PDE7B: variants seen among roughly 807,000 people sequenced by gnomAD.
The protein encoded by PDE7B is phosphodiesterase 7B.
A neutral mutation model predicts 56.2 loss-of-function variants in PDE7B; 29 were observed. The ratio of observed to expected loss-of-function variants is 0.52; its 90% CI spans 0.38 to 0.70. PDE7B has a LOEUF of 0.70. Among genes scored for constraint, PDE7B ranks in the 30% least tolerant of loss-of-function variants. The pLI, the probability that PDE7B is intolerant of heterozygous loss-of-function variation, is 0.00. For synonymous variants in PDE7B, 197 were observed against 196.9 expected (o/e 1.00, Z 0.00); for missense variants, 490 against 565.0 (o/e 0.87, Z 1.35).
chr6:136,108,862 A>C (rs1292260909), intron 3 of PDE7B, 48 bp downstream of exon 3: 2 of 1,192,322 alleles, frequency 1.7e-6, no homozygotes, highest in African/African-American at 1.5e-5. Context: ...TTCTTCAAAA[A>C]GAAAAAAAAA....
chr6:135,979,950 C>T (rs1366916870), intron 2 of PDE7B, among the ~76,000 whole-genome samples: 1 of 152,136 alleles, frequency 6.6e-6, no homozygotes, highest in African/African-American at 2.4e-5. Context: ...CTTTAAAGTT[C>T]ATATGGAACC....
chr6:135,947,133 G>A (rs7762438), intron 1 of PDE7B, among the ~76,000 whole-genome samples: 2,898 of 152,130 alleles, frequency 0.019, 92 homozygotes, highest in African/African-American at 0.064. Context: ...ATAATTAGCC[G>A]CAGATTATTG....
At chr6:136,146,254 C>T (rs1583907254) in intron 3 of PDE7B, among the ~76,000 whole-genome samples, 1 of 152,204 alleles carries the variant, frequency 6.6e-6, no homozygotes, top group Non-Finnish European at 1.5e-5. Context: ...ACTGACTCTA[C>T]ATTCAAAATT....
intron 2 of PDE7B, among the ~76,000 whole-genome samples, chr6:136,063,997 A>G (rs955005438): frequency 6.6e-6 from 1 of 152,100 alleles, no homozygotes; most frequent in Non-Finnish European, 1.5e-5. Flanking sequence ...TTTTTACTAC[A>G]TAATTAATAA....
At chr6:136,097,677 A>G (rs1777490351) in intron 2 of PDE7B, among the ~76,000 whole-genome samples, 1 of 152,176 alleles carries the variant, frequency 6.6e-6, no homozygotes, top group Non-Finnish European at 1.5e-5. Context: ...CTCTTAAGTC[A>G]TCCTAAGTCT....
intron 1 of PDE7B, among the ~76,000 whole-genome samples, chr6:135,894,528 G>A (rs1775863381): frequency 6.6e-6 from 1 of 152,130 alleles, no homozygotes. Context: ...GGAAACAAGA[G>A]CGTTCTGTTC....
At chr6:136,154,826 A>G (rs1778579270) in intron 7 of PDE7B, among the ~76,000 whole-genome samples, 2 of 152,230 alleles carry the variant, frequency 1.3e-5, no homozygotes, top group Non-Finnish European at 1.5e-5. Flanking sequence ...TTTCTGGAAA[A>G]TTATATTCTA....
chr6:136,179,918 G>C (rs1199789037), intron 10 of PDE7B, among the ~76,000 whole-genome samples: 2 of 152,186 alleles, frequency 1.3e-5, no homozygotes, highest in East Asian at 3.8e-4. Flanking sequence ...GAAGCCATTT[G>C]TGACATGACA....
At chr6:136,021,903 T>G (rs1260423371) in intron 2 of PDE7B, among the ~76,000 whole-genome samples, 1 of 152,198 alleles carries the variant, frequency 6.6e-6, no homozygotes, top group African/African-American at 2.4e-5. Flanking sequence ...ACATCCAAGA[T>G]CATTCTCTAA....
intron 2 of PDE7B, among the ~76,000 whole-genome samples, chr6:135,976,437 T>G (rs1775189202): frequency 6.6e-6 from 1 of 152,020 alleles, no homozygotes; most frequent in Non-Finnish European, 1.5e-5. Flanking sequence ...CACCTCTACC[T>G]GGGGAAGGGC....
chr6:136,039,009 T>C (rs1196410257), intron 2 of PDE7B, among the ~76,000 whole-genome samples: 8 of 152,232 alleles, frequency 5.3e-5, no homozygotes, highest in African/African-American at 1.2e-4. Context: ...AGCACTGAGT[T>C]TGGCATGCAA....
intron 2 of PDE7B, among the ~76,000 whole-genome samples, chr6:135,999,897 C>T (rs1775635144): frequency 6.6e-6 from 1 of 152,134 alleles, no homozygotes; most frequent in Non-Finnish European, 1.5e-5. Context: ...ATAAGTGTTC[C>T]CTTTTCTCTG....
At chr6:135,960,415 T>A (rs1774879632) in intron 2 of PDE7B, among the ~76,000 whole-genome samples, 1 of 152,212 alleles carries the variant, frequency 6.6e-6, no homozygotes, top group Non-Finnish European at 1.5e-5. Context: ...AATTTTCAAT[T>A]ACTGTATTTA....
chr6:135,910,997 G>A (rs1027807821), intron 1 of PDE7B, among the ~76,000 whole-genome samples: 1 of 152,128 alleles, frequency 6.6e-6, no homozygotes, highest in African/African-American at 2.4e-5. Context: ...GATTGGTGGG[G>A]CAGTAATTAT....
intron 8 of PDE7B, among the ~76,000 whole-genome samples, chr6:136,168,867 C>A (rs756246757): frequency 3.9e-5 from 6 of 152,114 alleles, no homozygotes; most frequent in Non-Finnish European, 8.8e-5. Flanking sequence ...CTAATTAGAA[C>A]AATCAACCTT....
At chr6:135,932,116 A>T (rs1271399142) in intron 1 of PDE7B, among the ~76,000 whole-genome samples, 1 of 152,154 alleles carries the variant, frequency 6.6e-6, no homozygotes, top group Non-Finnish European at 1.5e-5. Flanking sequence ...GGCTTAAAAA[A>T]TTTATAGGAA....
At chr6:135,912,739 A>G (rs1313700925) in intron 1 of PDE7B, among the ~76,000 whole-genome samples, 1 of 152,222 alleles carries the variant, frequency 6.6e-6, no homozygotes, top group Non-Finnish European at 1.5e-5. Context: ...TAGTAACAAT[A>G]ATTAATATCT....
At chr6:136,191,150 C>A (rs1203982445) in intron 12 of PDE7B, among the ~76,000 whole-genome samples, 2 of 150,382 alleles carry the variant, frequency 1.3e-5, no homozygotes, top group Non-Finnish European at 2.9e-5. Context: ...ATTGTCATAA[C>A]AACCCTACGA....
intron 2 of PDE7B, among the ~76,000 whole-genome samples, chr6:136,029,535 A>T (rs1189622194): frequency 6.6e-6 from 1 of 152,236 alleles, no homozygotes; most frequent in Non-Finnish European, 1.5e-5. Flanking sequence ...TTATCAGCAG[A>T]CCACAAAATA....
Sources: allele counts gnomAD v4.1 joint callset (sites outside exome capture counted in the v4.1 genomes callset), GRCh38; gene constraint gnomAD v4.1.1; transcripts MANE v1.5; gene names NCBI Gene and HGNC (gene_info 2026-07-23, HGNC 2026-07-21).